ASAP1: variants seen among roughly 807,000 people sequenced by gnomAD.
The protein encoded by ASAP1 is ArfGAP with SH3 domain, ankyrin repeat and PH domain 1, also known as arf-GAP with SH3 domain, ANK repeat and PH domain-containing protein 1.
A neutral mutation model predicts 145.2 loss-of-function variants in ASAP1; 43 were observed. The ratio of observed to expected loss-of-function variants is 0.30; its 90% CI spans 0.23 to 0.38. The LOEUF (loss-of-function observed/expected upper bound fraction) is 0.38. Ranked by LOEUF, ASAP1 falls within the 10% of genes least tolerant of loss-of-function variation. The probability of loss-of-function intolerance (pLI) is 1.00; values close to 1 mark genes in which losing one functional copy is unlikely to be tolerated. For synonymous variants in ASAP1, 546 were observed against 515.5 expected, an observed-to-expected ratio of 1.06 and a Z score of -0.80; for missense variants, 1,018 against 1,355.3, an observed-to-expected ratio of 0.75 and a Z score of 3.91.
chr8:130,400,657 G>A (rs1168127934), intron 2 of ASAP1, among the ~76,000 whole-genome samples: 1 of 152,020 alleles, frequency 6.6e-6, no homozygotes, highest in Non-Finnish European at 1.5e-5. Flanking sequence ...TGGGCGTGAT[G>A]GCAGGCGCCT....
At chr8:130,233,365 ATG>A (rs1397988390) in intron 4 of ASAP1, among the ~76,000 whole-genome samples, 2 of 152,180 alleles carry the variant, frequency 1.3e-5, no homozygotes, top group East Asian at 3.9e-4. Flanking sequence ...AGCCCCTACC[ATG>A]TGTTAGGTAG....
intron 3 of ASAP1, among the ~76,000 whole-genome samples, chr8:130,298,067 T>C (rs983028062): frequency 2.1e-4 from 32 of 152,312 alleles, no homozygotes; most frequent in African/African-American, 7.7e-4. Flanking sequence ...ACATGGGTGT[T>C]GGATGGGATA....
chr8:130,428,979 C>T (rs1014773420), intron 1 of ASAP1, among the ~76,000 whole-genome samples: 4 of 152,180 alleles, frequency 2.6e-5, no homozygotes, highest in Admixed American at 6.5e-5. Flanking sequence ...AGAGAGAATC[C>T]TTCCTTGCCT....
In ASAP1 at chr8:130,168,984, G is replaced by A; in HGVS notation, c.822+8C>T. The A allele has an allele frequency of 6.6e-7, 1 of 1,508,094 alleles. No individual in the cohort carries two copies. Among genetic ancestry groups the A allele is most frequent in the Non-Finnish European group, 9.0e-7 (1 of 1,111,558 alleles). The allele number at this position is 1,508,094 out of a possible 1,614,324, so 93.4% of individuals were successfully genotyped here. A position where few individuals can be genotyped will look rare whatever the true frequency, so the allele number is the denominator to read the frequency against. On this transcript the variant is annotated splice_region_variant and intron_variant, in intron 10 of 29. Coordinates refer to ENST00000518721, the MANE Select transcript of ASAP1 (RefSeq NM_018482.4). ...AGTTAAACTGCATGTATTTTATAAA[G>A]AACTTACATTATATAAATCAGCAGC...
intron 4 of ASAP1, among the ~76,000 whole-genome samples, chr8:130,215,578 C>G (rs1159721169): frequency 6.6e-6 from 1 of 152,090 alleles, no homozygotes; most frequent in Non-Finnish European, 1.5e-5. Flanking sequence ...CCCATCTCTA[C>G]TAAAAATACA....
At chr8:130,373,887 T>C (rs1419252355) in intron 2 of ASAP1, among the ~76,000 whole-genome samples, 1 of 129,426 alleles carries the variant, frequency 7.7e-6, no homozygotes, top group African/African-American at 2.9e-5. Context: ...ACCTGTGTAA[T>C]AAAAAAAGGT....
chr8:130,093,686 A>AAAAAAAAAAAAAAAAAAAAAAAAAAG (rs767063471), intron 24 of ASAP1, among the ~76,000 whole-genome samples: 8 of 131,984 alleles, frequency 6.1e-5, no homozygotes, highest in African/African-American at 2.3e-4. Context: ...AAAAAAAAAA[A>AAAAAAAAAAAAAAAAAAAAAAAAAAG]AAAGAAAGCT....
intron 24 of ASAP1, among the ~76,000 whole-genome samples, chr8:130,108,593 G>A (rs913864124): frequency 6.6e-6 from 1 of 152,162 alleles, no homozygotes; most frequent in South Asian, 2.1e-4. Flanking sequence ...GAGGTCAGGA[G>A]TTCGTGACCA....
At chr8:130,188,267 T>G in intron 5 of ASAP1, 84 bp from the exon 6 acceptor site, 1 of 1,042,388 alleles carries the variant, frequency 9.6e-7, no homozygotes, top group Non-Finnish European at 1.5e-6. Context: ...GACTGAGCAT[T>G]TTCCACACAC....
At chr8:130,390,937 CCG>C (rs1197483225) in intron 2 of ASAP1, among the ~76,000 whole-genome samples, 32 of 146,014 alleles carry the variant, frequency 2.2e-4, no homozygotes, top group African/African-American at 6.8e-4. Context: ...TATATATCCC[CCG>C]CCCCCCCAAA....
intron 3 of ASAP1, among the ~76,000 whole-genome samples, chr8:130,298,129 T>TA (rs1249300963): frequency 6.6e-6 from 1 of 152,104 alleles, no homozygotes; most frequent in Non-Finnish European, 1.5e-5. Flanking sequence ...GGGTGCAAAA[T>TA]AAATGACAAA....
chr8:130,309,816 A>C (rs76455951), intron 3 of ASAP1, among the ~76,000 whole-genome samples: 341 of 152,336 alleles, frequency 2.2e-3, no homozygotes, highest in Non-Finnish European at 4.1e-3. Context: ...CTGTACTGCC[A>C]GGTGAACTCC....
At chr8:130,396,128 C>T (rs147083865) in intron 2 of ASAP1, among the ~76,000 whole-genome samples, 179 of 152,096 alleles carry the variant, frequency 1.2e-3, no homozygotes, top group Non-Finnish European at 1.8e-3. Context: ...CTTAGTAGGT[C>T]GTCAGAAAAG....
At chr8:130,313,532 T>A (rs1438425896) in intron 3 of ASAP1, among the ~76,000 whole-genome samples, 1 of 152,222 alleles carries the variant, frequency 6.6e-6, no homozygotes, top group Non-Finnish European at 1.5e-5. Context: ...ACTACCCTTG[T>A]GGGATTCTCA....
intron 12 of ASAP1, among the ~76,000 whole-genome samples, chr8:130,159,086 A>G (rs1229844364): frequency 6.6e-6 from 1 of 152,138 alleles, no homozygotes; most frequent in Admixed American, 6.5e-5. Context: ...TGAACTGCAG[A>G]AAAAGAAGAA....
chr8:130,225,822 T>A (rs530447641), intron 4 of ASAP1, among the ~76,000 whole-genome samples: 1 of 152,156 alleles, frequency 6.6e-6, no homozygotes, highest in Non-Finnish European at 1.5e-5. Context: ...CAGAAACTAA[T>A]ATGGAGCCTT....
chr8:130,094,605 C>T (rs1247876119), intron 24 of ASAP1, among the ~76,000 whole-genome samples: 1 of 152,104 alleles, frequency 6.6e-6, no homozygotes. Flanking sequence ...AGTATTGTCC[C>T]CATTTTGCAG....
At position 130,152,723 on chromosome 8, in the gene ASAP1, G is replaced by A; in HGVS notation, c.1080+13C>T. The A allele has an allele frequency of 6.3e-7, 1 of 1,595,630 alleles. No individual in the cohort carries two copies. The highest frequency in any genetic ancestry group is 8.6e-7 in the Non-Finnish European group (1 of 1,167,422). ...TGGCCCATGAGGCAGGGTAAATTAA[G>A]AAACATACTTACTGTGGCATGTGAG... On this transcript the variant is annotated intron_variant, in intron 13 of 29. Coordinates refer to ENST00000518721, the MANE Select transcript of ASAP1 (RefSeq NM_018482.4).
intron 20 of ASAP1, among the ~76,000 whole-genome samples, chr8:130,117,448 A>T (rs1194440427): frequency 6.6e-6 from 1 of 152,212 alleles, no homozygotes; most frequent in East Asian, 1.9e-4. Flanking sequence ...AGAAACCTGG[A>T]CTTTTATACA....
Sources: gnomAD v4.1 joint callset for allele counts (sites outside exome capture counted in the v4.1 genomes callset) on GRCh38, gnomAD v4.1.1 for gene constraint, MANE v1.5 for transcripts, NCBI Gene and HGNC (gene_info 2026-07-23, HGNC 2026-07-21) for gene names.